DST: variants seen among roughly 807,000 people sequenced by gnomAD.
The protein encoded by DST is bullous pemphigoid antigen.
DST carries 253 observed loss-of-function variants against 875.2 expected under a neutral mutation model. The observed-to-expected ratio is 0.29, with a 90% CI of 0.26 to 0.32. The LOEUF is 0.32. DST is among the 10% of genes least tolerant of loss of function. DST has a pLI of 1.00. For missense variants in DST, 8,287 were observed against 9,111.6 expected, an observed-to-expected ratio of 0.91 and a Z score of 3.68; for synonymous variants, 3,124 against 3,197.1, an observed-to-expected ratio of 0.98 and a Z score of 0.77.
intron 3 of DST, among the ~76,000 whole-genome samples, chr6:56,889,193 T>C (rs1053678458): frequency 1.3e-5 from 2 of 152,264 alleles, no homozygotes; most frequent in South Asian, 2.1e-4. Flanking sequence ...CCCAGTCTTA[T>C]AGATTTAATA....
chr6:56,568,504 G>C lies in DST; in HGVS notation c.13970C>G (p.Thr4657Ser), dbSNP rs528578142. The C allele has an allele frequency of 1.9e-5, 31 of 1,610,840 alleles. 1 individual carries two copies. In the Admixed American group the frequency reaches 3.9e-4, roughly 20 times the overall value. ...ISLCNLISAV[T>S]TPAKAIAAVK... ...TGCTGCTATTGCCTTTGCAGGGGTG[G>C]TCACAGCACTTATTAAGTTACATAG... Residue 4657 changes from threonine to serine, a missense_variant, in exon 55 of 104, where the codon ACC becomes AGC. Physicochemically the swap from Thr to Ser is moderately conservative, Grantham distance 58 (BLOSUM62 1). Coordinates refer to ENST00000680361, the MANE Select transcript of DST (RefSeq NM_001374736.1).
chr6:56,621,846 A>T (rs2098692956), intron 36 of DST, among the ~76,000 whole-genome samples: 1 of 152,218 alleles, frequency 6.6e-6, no homozygotes, highest in Non-Finnish European at 1.5e-5. Flanking sequence ...GCTTTGGTGA[A>T]TTTCAAGAAT....
At position 56,604,101 on chromosome 6, in the gene DST, T is replaced by C. The variant is rs750782786; in HGVS notation, c.10527A>G (p.Gly3509=). 5.7e-6 allele frequency: 9 copies of C among 1,577,116 alleles called. No homozygotes were observed. The highest frequency in any genetic ancestry group is 4.3e-6 in the Non-Finnish European group (5 of 1,159,086). ...DGYSEKIEHV[G]DFNQKACSTS... Reference sequence around the variant, plus strand: ...TAGAACATGCTTTTTGATTAAAGTCTCCAACATGTTCTATTTTCTCTGAAT... The same window carrying C: ...TAGAACATGCTTTTTGATTAAAGTCCCCAACATGTTCTATTTTCTCTGAAT... The change falls in exon 40 of 104, where the codon GGA becomes GGG. Residue 3509 remains glycine (G), a synonymous_variant. Transcript: ENST00000680361.
chr6:56,865,261 CTGTGTG>C (rs35870270), intron 3 of DST, among the ~76,000 whole-genome samples: 1,769 of 143,754 alleles, frequency 0.012, 32 homozygotes, highest in African/African-American at 0.039. Context: ...CCCTAGTTTT[CTGTGTG>C]TGTGTGTGTG....
chr6:56,733,353 A>G (rs896724617), intron 5 of DST, among the ~76,000 whole-genome samples: 1 of 152,198 alleles, frequency 6.6e-6, no homozygotes, highest in Non-Finnish European at 1.5e-5. Flanking sequence ...AGAGACACAG[A>G]TAAGGGAAGC....
At chr6:56,840,588 G>A (rs2099798803) in intron 4 of DST, among the ~76,000 whole-genome samples, 1 of 152,106 alleles carries the variant, frequency 6.6e-6, no homozygotes, top group African/African-American at 2.4e-5. Flanking sequence ...CTCTTTCTGT[G>A]TTATTCTAAT....
chr6:56,545,533 T>C (rs1427803801), intron 61 of DST, among the ~76,000 whole-genome samples: 2 of 151,900 alleles, frequency 1.3e-5, no homozygotes, highest in African/African-American at 4.8e-5. Context: ...AACAGTAATA[T>C]TTTCTCATTT....
At chr6:56,947,553 C>T (rs1055120586) in intron 2 of DST, among the ~76,000 whole-genome samples, 23 of 152,266 alleles carry the variant, frequency 1.5e-4, no homozygotes, top group Admixed American at 3.9e-4. Context: ...CAGCCTGCTT[C>T]TCTTAAGAGG....
At chr6:56,686,764 T>C (rs1043731392) in intron 9 of DST, among the ~76,000 whole-genome samples, 2 of 152,208 alleles carry the variant, frequency 1.3e-5, no homozygotes, top group African/African-American at 4.8e-5. Context: ...TTAAAAGTTT[T>C]GAAAACTTAC....
chr6:56,882,774 T>G (rs1336191390), intron 3 of DST, among the ~76,000 whole-genome samples: 2 of 152,230 alleles, frequency 1.3e-5, no homozygotes, highest in Admixed American at 6.5e-5. Flanking sequence ...CATACTAAAA[T>G]GGAAGAATTC....
chr6:56,652,652 A>G (rs2098983232), intron 10 of DST, among the ~76,000 whole-genome samples: 2 of 152,348 alleles, frequency 1.3e-5, no homozygotes, highest in Non-Finnish European at 2.9e-5. Flanking sequence ...TATGGTGAGA[A>G]AACAGACCTT....
chr6:56,830,937 C>A (rs1233237306), intron 4 of DST, among the ~76,000 whole-genome samples: 1 of 152,184 alleles, frequency 6.6e-6, no homozygotes, highest in Non-Finnish European at 1.5e-5. Flanking sequence ...GTTCTCTAGA[C>A]TGGCTATCAG....
chr6:56,640,624 G>A lies in DST; in HGVS notation c.2028-19C>T. The A allele has an allele frequency of 6.3e-7, 1 of 1,589,028 alleles. No individual in the cohort carries two copies. Among genetic ancestry groups the A allele is most frequent in the South Asian group, 1.1e-5 (1 of 90,588 alleles). ...TGCAACCCTGAAAAGAAAATCCAAA[G>A]GGATAAGGTGAAATATAAAGGCACT... is the stretch of plus-strand genomic sequence containing the variant. On this transcript the variant is annotated intron_variant, in intron 17 of 103. Transcript: ENST00000680361.
chr6:56,629,139 T>C (rs903116722), intron 32 of DST, 111 bp downstream of exon 32: 2 of 1,055,440 alleles, frequency 1.9e-6, no homozygotes, highest in Admixed American at 1.9e-5. Context: ...GTATTGTAAT[T>C]AACAAATTAA....
intron 69 of DST, 43 bp from the exon 70 acceptor site, chr6:56,517,663 T>C (rs1392836781): frequency 1.3e-6 from 2 of 1,574,234 alleles, no homozygotes; most frequent in South Asian, 2.3e-5. Flanking sequence ...TTCCCGTTCC[T>C]GATGCCAGAA....
In DST at chr6:56,536,786, T is replaced by A. The variant is rs762298460; in HGVS notation, c.16763A>T (p.Asn5588Ile). ...DDVNARWKTL[N>I]KKVAQRAAQL... ...AGGGGGTGAGAAAATTACCTTCTTA[T>A]TGAGAGTCTTCCACCGTGCATTGAC... Residue 5588 changes from asparagine (N) to isoleucine (I), a missense_variant, in exon 62 of 104, where the codon AAT (asparagine) becomes ATT (isoleucine). By Grantham distance (149) the Asn-to-Ile change is moderately radical (BLOSUM62 -3). Coordinates refer to ENST00000680361, the MANE Select transcript of DST (RefSeq NM_001374736.1). The A allele has an allele frequency of 6.4e-7, 1 of 1,552,756 alleles. No homozygotes were observed. The highest frequency in any genetic ancestry group is 1.4e-5 in the African/African-American group (1 of 72,760).
At chr6:56,689,331 C>T (rs998757965) in intron 9 of DST, among the ~76,000 whole-genome samples, 1 of 152,146 alleles carries the variant, frequency 6.6e-6, no homozygotes, top group Admixed American at 6.6e-5. Flanking sequence ...CAAAGCCTGA[C>T]TAGAAGAACT....
intron 4 of DST, among the ~76,000 whole-genome samples, chr6:56,797,672 A>G (rs1428328488): frequency 6.6e-6 from 1 of 152,070 alleles, no homozygotes; most frequent in African/African-American, 2.4e-5. Flanking sequence ...TACAAAAATT[A>G]GCTGGGCGTG....
In DST at chr6:56,601,662, G is replaced by T. The variant is rs1202848188; in HGVS notation, c.11322C>A (p.Asp3774Glu). The change falls in exon 44 of 104, where the codon GAC (aspartate) becomes GAA (glutamate). Residue 3774 changes from aspartate (D) to glutamate (E), a missense_variant. By Grantham distance (45) the Asp-to-Glu change is conservative (BLOSUM62 2). Around this residue, in one of 10 missense-constraint regions of DST, gnomAD observed 3,138 missense variants for 3,116.6 expected, o/e 1.01. Transcript: ENST00000680361. ...RLEFLKNVLK[D>E]LGHTKMQLET... ...CCAGCTGCATTTTGGTATGTCCAAGGTCTTTTAATACATTCTGTTAAAAAA... is the reference window on the plus strand; with the variant it reads ...CCAGCTGCATTTTGGTATGTCCAAGTTCTTTTAATACATTCTGTTAAAAAA... 6.3e-7 allele frequency: 1 copy of T among 1,578,818 alleles called. No individual in the cohort carries two copies.
Sources: allele counts gnomAD v4.1 joint callset (sites outside exome capture counted in the v4.1 genomes callset), GRCh38; gene constraint gnomAD v4.1.1; regional missense constraint gnomAD v4.1.1; transcripts MANE v1.5; gene names NCBI Gene and HGNC (gene_info 2026-07-23, HGNC 2026-07-21).